The following CACNA2D4 variants were observed in gnomAD, a reference collection of about 807,000 sequenced individuals.
CACNA2D4 encodes the protein calcium voltage-gated channel auxiliary subunit alpha2delta 4, also known as voltage-dependent calcium channel subunit alpha-2/delta-4.
CACNA2D4 carries 157 observed loss-of-function variants against 163.8 expected under a neutral mutation model. The ratio of observed to expected loss-of-function variants is 0.96; its 90% CI spans 0.84 to 1.09. The LOEUF is 1.09. CACNA2D4 is among the 50% of genes least tolerant of loss of function. The pLI, the probability that CACNA2D4 is intolerant of heterozygous loss-of-function variation, is 0.00. For synonymous variants in CACNA2D4, 598 were observed against 586.9 expected, an observed-to-expected ratio of 1.02 and a Z score of -0.27; for missense variants, 1,410 against 1,479.9, an observed-to-expected ratio of 0.95 and a Z score of 0.78.
At position 1,843,992 on chromosome 12, in the gene CACNA2D4, T is replaced by C. The variant is rs958325032; in HGVS notation, c.2470+410A>G. On this transcript the variant is annotated intron_variant, in intron 25 of 37. Coordinates refer to ENST00000382722, the MANE Select transcript of CACNA2D4 (RefSeq NM_172364.5). The surrounding 1 kb of genome is among the most constrained non-coding windows in gnomAD (Gnocchi z 4.6). ...TTTGGGAAGAGCAGGGCAGCCCCAC[T>C]GACTTAGTGAGTACTGCAGCCCCTA... 2.9e-4 allele frequency among the ~76,000 whole-genome samples: 44 copies of C among 152,254 alleles called. No homozygotes were observed. Among genetic ancestry groups the C allele is most frequent in the African/African-American group, 1.1e-3 (44 of 41,542 alleles).
chr12:1,913,586 C>T (rs115317141), intron 2 of CACNA2D4, among the ~76,000 whole-genome samples: 28 of 152,348 alleles, frequency 1.8e-4, no homozygotes, highest in African/African-American at 6.5e-4. Flanking sequence ...AGGCATCTTG[C>T]TATGAAAGTG....
Position 1,801,059 on chromosome 12 carries a change from G to A in CACNA2D4, c.2852C>T (p.Ala951Val), listed in dbSNP as rs763641261. ...GACACTCACGCTGACCAGGGGCTGGGCTGCACTGTGGTGGTGACTCGAGGG... is the reference window on the plus strand; with the variant it reads ...GACACTCACGCTGACCAGGGGCTGGACTGCACTGTGGTGGTGACTCGAGGG... ...CKPSSHHHSA[A>V]QPLVSPISAF... is the part of the protein sequence containing the mutation. Residue 951 changes from alanine to valine, a missense_variant, in exon 31 of 38, where the codon GCC becomes GTC. Transcript: ENST00000382722. 6.2e-7 allele frequency: 1 copy of A among 1,613,276 alleles called. No individual in the cohort carries two copies. The highest frequency in any genetic ancestry group is 1.1e-5 in the South Asian group (1 of 91,060).
chr12:1,846,511 C>G (rs1371261017), intron 24 of CACNA2D4, 83 bp downstream of exon 24: 2 of 1,143,802 alleles, frequency 1.7e-6, no homozygotes, highest in Non-Finnish European at 2.5e-6. Flanking sequence ...GCCAGTCCAC[C>G]CATGGCCCAG....
At chr12:1,898,190 T>C (rs770108765) in intron 6 of CACNA2D4, among the ~76,000 whole-genome samples, 12 of 152,044 alleles carry the variant, frequency 7.9e-5, no homozygotes, top group Non-Finnish European at 1.5e-4. Context: ...ACTACCTCTA[T>C]ACCAAAACTA....
intron 18 of CACNA2D4, among the ~76,000 whole-genome samples, chr12:1,863,274 T>C (rs529130588): frequency 6.9e-4 from 105 of 152,360 alleles, no homozygotes; most frequent in African/African-American, 2.5e-3. Flanking sequence ...TCTATTCAGG[T>C]CATTGACCCA....
At chr12:1,854,704 C>T (rs1231237100) in intron 22 of CACNA2D4, among the ~76,000 whole-genome samples, 3 of 152,182 alleles carry the variant, frequency 2.0e-5, no homozygotes, top group Non-Finnish European at 4.4e-5. Flanking sequence ...CTGCCCCTGG[C>T]CAGTTCTGTG....
Position 1,834,210 on chromosome 12 carries a change from GA to G in CACNA2D4, c.2551+6528del. 6.6e-7 allele frequency: 1 copy of G among 1,509,894 alleles called. No homozygotes were observed. Among genetic ancestry groups the G allele is most frequent in the Non-Finnish European group, 8.9e-7 (1 of 1,129,722 alleles). The allele number at this position is 1,509,894 out of a possible 1,614,324, so 93.5% of individuals were successfully genotyped here. Reference sequence around the variant, plus strand: ...CGTTTTGGGGAGCTGGGGATGGGGAGAGGGAGTGCAAGTTCTAGATGCCTGG... The same window carrying G: ...CGTTTTGGGGAGCTGGGGATGGGGAGGGGAGTGCAAGTTCTAGATGCCTGG... On this transcript the variant is annotated intron_variant, in intron 26 of 37. Transcript: ENST00000382722. The surrounding 1 kb of genome is among the most constrained non-coding windows in gnomAD (Gnocchi z 7.6).
chr12:1,811,511 TG>T, intron 27 of CACNA2D4, 150 bp downstream of exon 27: 2 of 796,628 alleles, frequency 2.5e-6, no homozygotes. Context: ...GCCTGCAGGC[TG>T]GGGAGCTGAG....
rs766641270 is a variant in CACNA2D4, at chr12:1,831,239, C to T, written c.2551+9500G>A. The T allele has an allele frequency of 3.1e-6, 5 of 1,613,848 alleles. No homozygotes were observed. In the South Asian group the frequency reaches 4.4e-5, roughly 14 times the overall value. On this transcript the variant is annotated intron_variant, in intron 26 of 37. Transcript: ENST00000382722. ...CGAATCTGACTGAGCTTCAGCTGCG[C>T]AATAACAGCATCAGGACCCTGGACA... is the stretch of plus-strand genomic sequence containing the variant.
intron 3 of CACNA2D4, among the ~76,000 whole-genome samples, chr12:1,911,793 C>T (rs879482420): frequency 1.3e-5 from 2 of 152,134 alleles, no homozygotes; most frequent in Non-Finnish European, 2.9e-5. Flanking sequence ...TGAAGTCAGG[C>T]GAGTCTCATA....
At chr12:1,914,662 C>T (rs781149433) in intron 2 of CACNA2D4, among the ~76,000 whole-genome samples, 192 bp downstream of exon 2, 1 of 152,202 alleles carries the variant, frequency 6.6e-6, no homozygotes, top group Admixed American at 6.5e-5. Flanking sequence ...CTTGACCACG[C>T]CCCCGAACCA....
At chr12:1,836,371 C>T (rs1183749538) in intron 26 of CACNA2D4, 1 of 152,344 alleles carries the variant, frequency 6.6e-6, no homozygotes, top group Non-Finnish European at 1.5e-5. Context: ...AACCCTGAAG[C>T]CAAGGGTCTG....
At chr12:1,879,129 A>T in intron 14 of CACNA2D4, 93 bp from the exon 15 acceptor site, 1 of 960,914 alleles carries the variant, frequency 1.0e-6, no homozygotes, top group Non-Finnish European at 1.7e-6. Flanking sequence ...CTGGAAGAGG[A>T]AGCCACTTAG....
intron 26 of CACNA2D4, among the ~76,000 whole-genome samples, chr12:1,822,562 G>A (rs1864149083): frequency 6.6e-6 from 1 of 152,224 alleles, no homozygotes; most frequent in Admixed American, 6.5e-5. Context: ...CCACTCAGGA[G>A]GCTTCTCTGT....
chr12:1,864,969 CCGCGCCGCT>C (rs1865612316), intron 18 of CACNA2D4, among the ~76,000 whole-genome samples: 2 of 152,196 alleles, frequency 1.3e-5, no homozygotes, highest in South Asian at 4.2e-4. Context: ...GGTGCCCTCG[CCGCGCCGCT>C]CCCGGGTCTC....
chr12:1,793,719 GC>G lies in CACNA2D4; in HGVS notation c.3349del (p.Ala1117ProfsTer50), dbSNP rs775096534. The G allele has an allele frequency of 3.7e-6, 6 of 1,613,366 alleles. No homozygotes were observed. Among genetic ancestry groups the G allele is most frequent in the Non-Finnish European group, 5.1e-6 (6 of 1,179,900 alleles). On this transcript the variant is annotated frameshift_variant, in exon 38 of 38. Coordinates refer to ENST00000382722, the MANE Select transcript of CACNA2D4 (RefSeq NM_172364.5). LOFTEE classifies it high-confidence loss of function. The part of the protein sequence containing the change: ...QDCGGASDTS[A>X]SPPLLLLPVC... ...AGGCAGCAGGAGTAGGGGCGGCGAG[GC>G]TGAGGTGTCCGAGGCGCCGCCGCAG...
At chr12:1,810,000 C>T (rs1863652704) in intron 29 of CACNA2D4, among the ~76,000 whole-genome samples, 1 of 152,198 alleles carries the variant, frequency 6.6e-6, no homozygotes, top group Admixed American at 6.5e-5. Context: ...CACTGAGTGG[C>T]TCCTACCAGG....
In CACNA2D4 at chr12:1,820,460, C is replaced by T. The variant is rs1014254986; in HGVS notation, c.2552-8737G>A. On this transcript the variant is annotated intron_variant, in intron 26 of 37. Coordinates refer to ENST00000382722, the MANE Select transcript of CACNA2D4 (RefSeq NM_172364.5). The surrounding 1 kb of genome is among the most constrained non-coding windows in gnomAD (Gnocchi z 6.0). ...TGCTGCCGCTGTCATCACAGATGCACCCCAGCTGTCACTCCCCGCTCCACT... is the reference window on the plus strand; with the variant it reads ...TGCTGCCGCTGTCATCACAGATGCATCCCAGCTGTCACTCCCCGCTCCACT... The T allele has an allele frequency of 5.9e-5, 9 of 152,408 alleles. No individual in the cohort carries two copies. Among genetic ancestry groups the T allele is most frequent in the African/African-American group, 2.2e-4 (9 of 41,576 alleles). The allele number at this position is 152,408 out of a possible 1,614,324, so 9.4% of individuals were successfully genotyped here.
At chr12:1,840,455 G>A (rs1864991977) in intron 26 of CACNA2D4, among the ~76,000 whole-genome samples, 1 of 142,048 alleles carries the variant, frequency 7.0e-6, no homozygotes, top group Admixed American at 6.9e-5. Context: ...GGGGTGGGTG[G>A]GGGGCGGCGG....
Sources: allele counts gnomAD v4.1 joint callset (sites outside exome capture counted in the v4.1 genomes callset), GRCh38; gene constraint gnomAD v4.1.1; non-coding constraint Gnocchi (gnomAD v3.1); transcripts MANE v1.5; gene names NCBI Gene and HGNC (gene_info 2026-07-23, HGNC 2026-07-21).